The following TDRD9 variants were observed in gnomAD, a reference collection of about 807,000 sequenced individuals.
The protein encoded by TDRD9 is ATP-dependent RNA helicase TDRD9.
In TDRD9, 124 loss-of-function variants were observed where a neutral mutation model predicts 172.6. The observed-to-expected ratio is 0.72, with a 90% CI of 0.62 to 0.83. The LOEUF (loss-of-function observed/expected upper bound fraction) is 0.83. TDRD9 is among the 40% of genes least tolerant of loss of function. The pLI is 0.00. For missense variants in TDRD9, 1,479 were observed against 1,714.1 expected, an observed-to-expected ratio of 0.86 and a Z score of 2.42; for synonymous variants, 619 against 617.1, an observed-to-expected ratio of 1.00 and a Z score of -0.05.
chr14:103,938,145 G>A (rs2030893837), intron 1 of TDRD9, among the ~76,000 whole-genome samples: 1 of 152,006 alleles, frequency 6.6e-6, no homozygotes, highest in Non-Finnish European at 1.5e-5. Flanking sequence ...GTAGTGCTTA[G>A]TATGTGCCTG....
intron 5 of TDRD9, among the ~76,000 whole-genome samples, chr14:103,967,977 A>G (rs1472777521): frequency 2.0e-5 from 3 of 152,218 alleles, no homozygotes; most frequent in Non-Finnish European, 4.4e-5. Flanking sequence ...GGCCACAAGT[A>G]ATTAGTGATG....
chr14:103,978,891 G>C (rs2033361780), intron 7 of TDRD9, among the ~76,000 whole-genome samples: 1 of 152,090 alleles, frequency 6.6e-6, no homozygotes, highest in South Asian at 2.1e-4. Flanking sequence ...CATATCTATT[G>C]TATCAAACAT....
Position 103,997,961 on chromosome 14 carries a change from G to C in TDRD9, c.1379-663G>C, listed in dbSNP as rs2034112284. Among the ~76,000 whole-genome samples the C allele has an allele frequency of 1.3e-5, 2 of 152,150 alleles. No individual in the cohort carries two copies. The highest frequency in any genetic ancestry group is 4.8e-5 in the African/African-American group (2 of 41,432). ...CACAACACTCCACAGGTGCTTTGCT[G>C]TAGGGGAGCAGAGGAAATGGGGCAG... is the stretch of plus-strand genomic sequence containing the variant. On this transcript the variant is annotated intron_variant, in intron 12 of 35. Transcript: ENST00000409874. The surrounding 1 kb of genome is among the most constrained non-coding windows in gnomAD (Gnocchi z 5.1).
At chr14:103,936,756 C>T (rs926975238) in intron 1 of TDRD9, among the ~76,000 whole-genome samples, 1 of 152,146 alleles carries the variant, frequency 6.6e-6, no homozygotes, top group Non-Finnish European at 1.5e-5. Flanking sequence ...TAATCTAGCA[C>T]CTAGAAGAAT....
chr14:103,942,014 A>C, intron 1 of TDRD9: 1 of 265,312 alleles, frequency 3.8e-6, no homozygotes. Context: ...TAAGAGACTT[A>C]AAATATTAAT....
At chr14:104,021,362 A>G (rs1483088816) in intron 23 of TDRD9, among the ~76,000 whole-genome samples, 2 of 152,078 alleles carry the variant, frequency 1.3e-5, no homozygotes, top group Non-Finnish European at 2.9e-5. Flanking sequence ...TTGGCAATCA[A>G]TTTATATCAC....
In TDRD9 at chr14:103,928,494, C is replaced by A. The variant is rs752526746; in HGVS notation, c.-16C>A. ...AGACCCGGCAGTTGGGGGATGCCGA[C>A]GCCTGGGCCTTGAGGATGCTGCGGA... On this transcript the variant is annotated 5_prime_UTR_variant, in exon 1 of 36. Coordinates refer to ENST00000409874, the MANE Select transcript of TDRD9 (RefSeq NM_153046.3). The A allele has an allele frequency of 7.0e-7, 1 of 1,433,308 alleles. No individual in the cohort carries two copies. The highest frequency in any genetic ancestry group is 9.2e-7 in the Non-Finnish European group (1 of 1,084,016). The allele number at this position is 1,433,308 out of a possible 1,614,324, so 88.8% of individuals were successfully genotyped here.
intron 13 of TDRD9, among the ~76,000 whole-genome samples, chr14:104,000,938 T>C (rs895249480): frequency 1.3e-5 from 2 of 152,238 alleles, no homozygotes; most frequent in African/African-American, 4.8e-5. Context: ...TTATAAAATT[T>C]CTTCCTCTAT....
At chr14:103,981,316 T>C (rs2033465245) in intron 7 of TDRD9, among the ~76,000 whole-genome samples, 1 of 152,200 alleles carries the variant, frequency 6.6e-6, no homozygotes, top group Non-Finnish European at 1.5e-5. Context: ...CTGTCAGAGC[T>C]CACAACACTT....
intron 2 of TDRD9, among the ~76,000 whole-genome samples, chr14:103,962,060 G>A (rs2032534556): frequency 6.6e-6 from 1 of 152,206 alleles, no homozygotes; most frequent in Non-Finnish European, 1.5e-5. Flanking sequence ...TTGCCAGTTT[G>A]TCAAGTGATG....
chr14:103,953,758 C>T (rs1024261095), intron 1 of TDRD9, among the ~76,000 whole-genome samples: 1 of 151,988 alleles, frequency 6.6e-6, no homozygotes, highest in Non-Finnish European at 1.5e-5. Flanking sequence ...CTCTAGTGTC[C>T]CAGGGCAGGA....
Position 104,049,638 on chromosome 14 carries a change from G to T in TDRD9, c.4005G>T (p.Lys1335Asn). ...GLFCQSKPRE[K>N]IVPKWHEKPY... ...TCTGTCAGTCAAAACCAAGGGAGAAGATTGTTCCCAAGTGGCATGAAAAGC... is the reference window on the plus strand; with the variant it reads ...TCTGTCAGTCAAAACCAAGGGAGAATATTGTTCCCAAGTGGCATGAAAAGC... The change falls in exon 35 of 36, where the codon AAG (lysine) becomes AAT (asparagine). Residue 1335 changes from lysine (K) to asparagine (N), a missense_variant. Transcript: ENST00000409874. The T allele has an allele frequency of 6.3e-7, 1 of 1,587,444 alleles. No homozygotes were observed. Among genetic ancestry groups the T allele is most frequent in the East Asian group, 2.3e-5 (1 of 43,438 alleles).
intron 20 of TDRD9, 48 bp downstream of exon 20, chr14:104,008,514 G>T: frequency 8.4e-7 from 1 of 1,193,058 alleles, no homozygotes; most frequent in South Asian, 1.3e-5. Flanking sequence ...GTTGACTTAT[G>T]AAATATTTAT....
intron 32 of TDRD9, among the ~76,000 whole-genome samples, chr14:104,036,945 G>A (rs965146817): frequency 1.3e-5 from 2 of 152,078 alleles, no homozygotes; most frequent in Non-Finnish European, 2.9e-5. Context: ...CTGCCTCTGA[G>A]TAGTTGTATA....
intron 1 of TDRD9, among the ~76,000 whole-genome samples, chr14:103,949,547 T>C (rs1273693962): frequency 6.6e-6 from 1 of 152,262 alleles, no homozygotes; most frequent in Admixed American, 6.5e-5. Flanking sequence ...TTACTGCTTC[T>C]GGTTATGCCA....
chr14:103,965,588 C>G, intron 4 of TDRD9, 34 bp downstream of exon 4: 1 of 1,484,918 alleles, frequency 6.7e-7, no homozygotes, highest in Non-Finnish European at 9.2e-7. Flanking sequence ...ACTAAGAGAG[C>G]CAGCTGTCTC....
At chr14:103,951,396 C>T (rs1392740991) in intron 1 of TDRD9, among the ~76,000 whole-genome samples, 1 of 152,014 alleles carries the variant, frequency 6.6e-6, no homozygotes, top group South Asian at 2.1e-4. Context: ...TTATTTTAAC[C>T]CCCTTTAATT....
intron 35 of TDRD9, among the ~76,000 whole-genome samples, chr14:104,050,799 G>A (rs2035917322): frequency 6.6e-6 from 1 of 152,198 alleles, no homozygotes; most frequent in Admixed American, 6.5e-5. Flanking sequence ...TGAGGGTGAC[G>A]AACTAGCAGG....
chr14:104,010,584 T>A (rs2034582995), intron 20 of TDRD9, among the ~76,000 whole-genome samples: 1 of 143,352 alleles, frequency 7.0e-6, no homozygotes, highest in Non-Finnish European at 1.5e-5. Context: ...TTTTTTTTTT[T>A]GCTACTTCTT....
Sources: gnomAD v4.1 joint callset for allele counts (sites outside exome capture counted in the v4.1 genomes callset) on GRCh38, gnomAD v4.1.1 for gene constraint, Gnocchi (gnomAD v3.1) non-coding constraint, MANE v1.5 for transcripts, NCBI Gene and HGNC (gene_info 2026-07-23, HGNC 2026-07-21) for gene names.